Variants in UBXN7 observed in about 807,000 individuals in gnomAD.
UBXN7 encodes UBX domain protein 7, also known as UBX domain-containing protein 7.
Under a neutral mutation model 58.0 loss-of-function variants are expected in UBXN7, and 9 were observed. The ratio of observed to expected loss-of-function variants is 0.16; its 90% CI spans 0.09 to 0.27. The LOEUF is 0.27. Ranked by LOEUF, UBXN7 falls within the 10% of genes least tolerant of loss-of-function variation. The pLI is 1.00. For synonymous variants in UBXN7, 208 were observed against 205.0 expected (o/e 1.01, Z -0.12); for missense variants, 328 against 599.6 (o/e 0.55, Z 4.73).
intron 5 of UBXN7, among the ~76,000 whole-genome samples, chr3:196,381,102 G>A (rs993291761): frequency 6.6e-6 from 1 of 152,236 alleles, no homozygotes; most frequent in African/African-American, 2.4e-5. Flanking sequence ...AAACGTCCCT[G>A]TCTAACAGCT....
At position 196,361,845 on chromosome 3, in the gene UBXN7, A is replaced by G; in HGVS notation, c.1307T>C (p.Leu436Pro). 6.2e-7 allele frequency: 1 copy of G among 1,613,634 alleles called. No homozygotes were observed. The highest frequency in any genetic ancestry group is 8.5e-7 in the Non-Finnish European group (1 of 1,179,752). The change falls in exon 10 of 11, where the codon CTA becomes CCA. Residue 436 changes from leucine (L) to proline (P), a missense_variant and splice_region_variant. Transcript: ENST00000296328. ...GAACCAAAGCAAGCCTGTACTTACT[A>G]GCAGTTTAGCTTGCTCTGGAAGAGT... ...QITLPEQAKL[L>P]ALVKHVQSKG... is the part of the protein sequence containing the mutation.
intron 1 of UBXN7, 148 bp from the exon 2 acceptor site, chr3:196,407,541 G>GA (rs1730199518): frequency 5.0e-6 from 6 of 1,194,882 alleles, no homozygotes; most frequent in East Asian, 5.3e-5. Flanking sequence ...CACAGAGCTA[G>GA]AAAAAAATGT....
At chr3:196,373,175 G>A (rs1728893637) in intron 5 of UBXN7, among the ~76,000 whole-genome samples, 1 of 152,056 alleles carries the variant, frequency 6.6e-6, no homozygotes, top group African/African-American at 2.4e-5. Flanking sequence ...TGCTGTTTTG[G>A]AGAATCACCC....
chr3:196,391,771 A>G (rs931951187), intron 5 of UBXN7, 42 bp downstream of exon 5: 1 of 1,471,224 alleles, frequency 6.8e-7, no homozygotes, highest in Non-Finnish European at 9.3e-7. Context: ...TTGAAAATGC[A>G]AAAGGATTCA....
chr3:196,413,122 C>T (rs774274919), intron 1 of UBXN7, among the ~76,000 whole-genome samples: 33 of 152,198 alleles, frequency 2.2e-4, no homozygotes, highest in Non-Finnish European at 4.3e-4. Flanking sequence ...GGGCGGATCA[C>T]TTGAGGTCAG....
At chr3:196,379,883 G>A (rs12637868) in intron 5 of UBXN7, among the ~76,000 whole-genome samples, 38,065 of 152,022 alleles carry the variant, frequency 0.25, 6,217 homozygotes, top group East Asian at 0.83. Context: ...AAAGGGGTCC[G>A]GATCCAGATC....
At chr3:196,394,574 G>A (rs1729710385) in intron 3 of UBXN7, among the ~76,000 whole-genome samples, 1 of 151,432 alleles carries the variant, frequency 6.6e-6, no homozygotes, top group South Asian at 2.1e-4. Context: ...CTGCACTCCA[G>A]CCTGGGCAAG....
chr3:196,364,704 T>TC (rs1328295475), intron 8 of UBXN7, among the ~76,000 whole-genome samples: 1 of 115,186 alleles, frequency 8.7e-6, no homozygotes, highest in East Asian at 2.1e-4. Context: ...TTGCTGGTTG[T>TC]TTTTTTTTTT....
intron 1 of UBXN7, among the ~76,000 whole-genome samples, chr3:196,409,025 T>C (rs565890758): frequency 1.3e-5 from 2 of 152,286 alleles, no homozygotes; most frequent in South Asian, 2.1e-4. Flanking sequence ...TAACTCCAAT[T>C]AGATGTATGT....
At chr3:196,418,720 G>A (rs1456566515) in intron 1 of UBXN7, among the ~76,000 whole-genome samples, 1 of 152,150 alleles carries the variant, frequency 6.6e-6, no homozygotes, top group Admixed American at 6.6e-5. Context: ...AAGATTCACA[G>A]GTCTATAGAG....
intron 8 of UBXN7, among the ~76,000 whole-genome samples, 164 bp downstream of exon 8, chr3:196,367,864 G>A (rs1577436606): frequency 6.6e-6 from 1 of 152,260 alleles, no homozygotes; most frequent in African/African-American, 2.4e-5. Flanking sequence ...ACTCTCATGT[G>A]GGAAATTATC....
intron 5 of UBXN7, among the ~76,000 whole-genome samples, chr3:196,381,677 A>G (rs1729211171): frequency 6.6e-6 from 1 of 152,244 alleles, no homozygotes; most frequent in Non-Finnish European, 1.5e-5. Context: ...AAGGTCGGTA[A>G]TAACAAACTT....
At chr3:196,428,934 G>C (rs572025434) in intron 1 of UBXN7, among the ~76,000 whole-genome samples, 7 of 151,798 alleles carry the variant, frequency 4.6e-5, no homozygotes, top group African/African-American at 1.7e-4. Flanking sequence ...TTACTGGGAG[G>C]GCTGAGGCAA....
intron 10 of UBXN7, among the ~76,000 whole-genome samples, chr3:196,361,417 C>G (rs988475586): frequency 1.3e-5 from 2 of 152,164 alleles, no homozygotes; most frequent in Admixed American, 1.3e-4. Flanking sequence ...AAAATTGCGG[C>G]AAATTCTGAG....
rs1385264248 is a variant in UBXN7, at chr3:196,421,054, G to C, written c.73+11273C>G. ...GGATATGGGAGTGGATGACAGTTGT[G>C]AGAAATAAGCTGAAATTTTAACCTC... On this transcript the variant is annotated intron_variant, in intron 1 of 10. Transcript: ENST00000296328. Among the ~76,000 whole-genome samples the C allele has an allele frequency of 2.0e-5, 3 of 152,180 alleles. No homozygotes were observed. The East Asian group carries it at 5.8e-4, about 29-fold the overall frequency.
At chr3:196,383,097 C>G (rs1172286173) in intron 5 of UBXN7, among the ~76,000 whole-genome samples, 1 of 138,584 alleles carries the variant, frequency 7.2e-6, no homozygotes, top group Admixed American at 7.6e-5. Context: ...GCCTGGGCCA[C>G]AAAGCAAGAC....
In UBXN7 at chr3:196,432,419, C is replaced by A. The variant is rs766773106; in HGVS notation, c.-20G>T. Reference sequence around the variant, plus strand: ...AGCCATCTTACCGCCGCCGCCGCCGCCGAACAACAACACAGACACACACGG... The same window carrying A: ...AGCCATCTTACCGCCGCCGCCGCCGACGAACAACAACACAGACACACACGG... On this transcript the variant is annotated 5_prime_UTR_variant, in exon 1 of 11. Coordinates refer to ENST00000296328, the MANE Select transcript of UBXN7 (RefSeq NM_015562.2). 2 of 1,580,314 alleles carry A rather than the reference C, an allele frequency of 1.3e-6. No individual in the cohort carries two copies. Among genetic ancestry groups the A allele is most frequent in the South Asian group, 2.3e-5 (2 of 87,552 alleles).
chr3:196,420,357 G>A (rs577638920), intron 1 of UBXN7, among the ~76,000 whole-genome samples: 23 of 151,860 alleles, frequency 1.5e-4, no homozygotes, highest in East Asian at 9.7e-4. Context: ...GCGAAACCCC[G>A]TCTCTACTGT....
intron 1 of UBXN7, among the ~76,000 whole-genome samples, chr3:196,423,981 C>CAG: frequency 1.3e-5 from 2 of 151,332 alleles, no homozygotes; most frequent in Non-Finnish European, 2.9e-5. Flanking sequence ...CCTCTGACTC[C>CAG]CGGGTTCCAG....
Sources: allele counts gnomAD v4.1 joint callset (sites outside exome capture counted in the v4.1 genomes callset), GRCh38; gene constraint gnomAD v4.1.1; transcripts MANE v1.5; gene names NCBI Gene and HGNC (gene_info 2026-07-23, HGNC 2026-07-21).